DNAH2: variants seen among roughly 807,000 people sequenced by gnomAD.
The protein encoded by DNAH2 is dynein axonemal heavy chain 2, also known as axonemal beta dynein heavy chain 2.
A neutral mutation model predicts 523.5 loss-of-function variants in DNAH2; 323 were observed. The observed-to-expected ratio is 0.62, with a 90% CI of 0.56 to 0.68. The LOEUF (loss-of-function observed/expected upper bound fraction) is 0.68. Among genes scored for constraint, DNAH2 ranks in the 30% least tolerant of loss-of-function variants. The pLI is 0.00. For synonymous variants in DNAH2, 2,093 were observed against 2,177.4 expected, an observed-to-expected ratio of 0.96 and a Z score of 1.08; for missense variants, 4,907 against 5,701.5, an observed-to-expected ratio of 0.86 and a Z score of 4.49.
chr17:7,765,785 CT>C (rs1243951478), intron 21 of DNAH2, among the ~76,000 whole-genome samples: 51 of 145,862 alleles, frequency 3.5e-4, no homozygotes, highest in Admixed American at 4.1e-4. Flanking sequence ...TTTCTTTTTT[CT>C]TTTTTTTTTT....
Position 7,807,281 on chromosome 17 carries a change from G to C in DNAH2, c.9574G>C (p.Ala3192Pro), listed in dbSNP as rs762455140. 6.2e-7 allele frequency: 1 copy of C among 1,613,816 alleles called. No individual in the cohort carries two copies. ...TGATATCATCGGCCGCGTCTCCCTG[G>C]CTGCCAAGTCCCTCTGCATGTGGGT... Reference protein sequence around the residue: ...QPDIIGRVSLAAKSLCMWVRA... With the variant: ...QPDIIGRVSLPAKSLCMWVRA... Residue 3192 changes from alanine to proline, a missense_variant, in exon 62 of 86, where the codon GCT becomes CCT. By Grantham distance (27) the Ala-to-Pro change is conservative. Coordinates refer to ENST00000572933, the MANE Select transcript of DNAH2 (RefSeq NM_020877.5). The surrounding 1 kb of genome is among the most constrained non-coding windows in gnomAD (Gnocchi z 5.6).
rs1436731726 is a variant in DNAH2, at chr17:7,821,249, C to A, written c.11022C>A (p.Thr3674=). 6.2e-7 allele frequency: 1 copy of A among 1,613,022 alleles called. No homozygotes were observed. Among genetic ancestry groups the A allele is most frequent in the East Asian group, 2.2e-5 (1 of 44,850 alleles). Residue 3674 remains threonine (T), a synonymous_variant, in exon 73 of 86, where the codon ACC becomes ACA. Coordinates refer to ENST00000572933, the MANE Select transcript of DNAH2 (RefSeq NM_020877.5). This position sits in a 1 kb window ranked among gnomAD's most constrained non-coding sequence, Gnocchi z 5.0. ...CCCTGTCCCTTTCTCCCAGGTACACCTGCCGTACCCTTTTCGAACGCCACA... is the reference window on the plus strand; with the variant it reads ...CCCTGTCCCTTTCTCCCAGGTACACATGCCGTACCCTTTTCGAACGCCACA... ...DYHTYAVYRY[T]CRTLFERHKL... is the part of the protein sequence containing the mutation.
In DNAH2 at chr17:7,807,491, G is replaced by C; in HGVS notation, c.9634G>C (p.Val3212Leu). Residue 3212 changes from valine (V) to leucine (L), a missense_variant, in exon 63 of 86, where the codon GTG (valine) becomes CTG (leucine). Transcript: ENST00000572933. The surrounding 1 kb of genome is among the most constrained non-coding windows in gnomAD (Gnocchi z 5.6). ...AMELYGRLYRVVEPKRIRMNA... is the reference protein window; with the variant it reads ...AMELYGRLYRLVEPKRIRMNA... ...ACAGCTGTATGGGCGGCTATATCGGGTGGTGGAGCCCAAGCGAATCCGAAT... is the reference window on the plus strand; with the variant it reads ...ACAGCTGTATGGGCGGCTATATCGGCTGGTGGAGCCCAAGCGAATCCGAAT... 1 of 1,613,630 alleles carries C rather than the reference G, an allele frequency of 6.2e-7. No homozygotes were observed. The highest frequency in any genetic ancestry group is 8.5e-7 in the Non-Finnish European group (1 of 1,180,036).
At chr17:7,741,232 CTCTCTCTTTCTTTCTT>C (rs1440271367) in intron 11 of DNAH2, among the ~76,000 whole-genome samples, 80 of 119,432 alleles carry the variant, frequency 6.7e-4, no homozygotes, top group Middle Eastern at 8.3e-3. Context: ...TTTTTTTTCT[CTCTCTCTTTCTTTCTT>C]TCTTTCTTTC....
At chr17:7,796,145 GTCAAGTGAT>G (rs891804233) in intron 49 of DNAH2, among the ~76,000 whole-genome samples, 13 of 149,312 alleles carry the variant, frequency 8.7e-5, no homozygotes, top group Non-Finnish European at 1.5e-4. Context: ...GCCTCCTGGG[GTCAAGTGAT>G]TCTCCTGCCT....
At chr17:7,797,634 G>A (rs763753208) in intron 52 of DNAH2, 46 bp from the exon 53 acceptor site, 3 of 1,613,690 alleles carry the variant, frequency 1.9e-6, no homozygotes, top group African/African-American at 1.3e-5. Flanking sequence ...GTGGGGGGAG[G>A]CAAACCAGGC....
At position 7,786,708 on chromosome 17, in the gene DNAH2, T is replaced by A. The variant is rs1597654843; in HGVS notation, c.6466+21T>A. ...TGCAGGTATCCAGAGGATCGTGGGGTGTGGAGAGCAGACGCCTGAGTCTCC... is the reference window on the plus strand; with the variant it reads ...TGCAGGTATCCAGAGGATCGTGGGGAGTGGAGAGCAGACGCCTGAGTCTCC... On this transcript the variant is annotated intron_variant, in intron 41 of 85. Transcript: ENST00000572933. The surrounding 1 kb of genome is among the most constrained non-coding windows in gnomAD (Gnocchi z 7.5). 1 of 1,610,692 alleles carries A rather than the reference T, an allele frequency of 6.2e-7. No individual in the cohort carries two copies. The highest frequency in any genetic ancestry group is 8.5e-7 in the Non-Finnish European group (1 of 1,178,252).
In DNAH2 at chr17:7,758,928, T is replaced by C. The variant is rs1161233619; in HGVS notation, c.2252T>C (p.Ile751Thr). ...VNEFKASTLT[I>T]GWRAQEMSEK... ...GAGTTCAAGGCATCCACTCTGACCA[T>C]TGGCTGGCGAGCCCAAGAGATGTCA... is the stretch of plus-strand genomic sequence containing the variant. The change falls in exon 15 of 86, where the codon ATT becomes ACT. Residue 751 changes from isoleucine (I) to threonine (T), a missense_variant. By Grantham distance (89) the Ile-to-Thr change is moderately conservative. Coordinates refer to ENST00000572933, the MANE Select transcript of DNAH2 (RefSeq NM_020877.5). 4 of 1,614,016 alleles carry C rather than the reference T, an allele frequency of 2.5e-6. No homozygotes were observed. The South Asian group carries it at 4.4e-5, about 18-fold the overall frequency.
Position 7,759,012 on chromosome 17 carries a change from A to C in DNAH2, c.2336A>C (p.Glu779Ala). 6.2e-7 allele frequency: 1 copy of C among 1,614,196 alleles called. No homozygotes were observed. The highest frequency in any genetic ancestry group is 1.3e-5 in the African/African-American group (1 of 75,038). The change falls in exon 15 of 86, where the codon GAG becomes GCG. Residue 779 changes from glutamate (E) to alanine (A), a missense_variant. Physicochemically the swap from Glu to Ala is moderately radical, Grantham distance 107 (BLOSUM62 -1). This residue lies in a region of DNAH2 where 2,806 missense variants were observed against 3,190.8 expected (regional missense o/e 0.88). Transcript: ENST00000572933. ...GTATACAGGGACCTGGAATTTGAAG[A>C]GGACCAAAGAGAGCATCGGGCAGCT... ...KRVYRDLEFE[E>A]DQREHRAAVQ...
Position 7,796,511 on chromosome 17 carries a change from T to C in DNAH2, c.7722T>C (p.Leu2574=), listed in dbSNP as rs1208613736. The C allele has an allele frequency of 1.2e-6, 2 of 1,613,600 alleles. No homozygotes were observed. Among genetic ancestry groups the C allele is most frequent in the African/African-American group, 2.7e-5 (2 of 74,754 alleles). ...TCGGCACCATGATCAATCAGAAGCT[T>C]CAGGACTTTGAGGAAGAGGTGAAGC... ...RIFGTMINQK[L]QDFEEEVKPI... is the part of the protein sequence containing the mutation. The change falls in exon 50 of 86, where the codon CTT becomes CTC. Residue 2574 remains leucine (L), a synonymous_variant. Transcript: ENST00000572933.
intron 3 of DNAH2, 21 bp from the exon 4 acceptor site, chr17:7,727,101 C>T (rs1182181830): frequency 6.6e-7 from 1 of 1,519,880 alleles, no homozygotes; most frequent in Non-Finnish European, 8.8e-7. Flanking sequence ...GTTACTTTGG[C>T]CCTCTGCTCT....
chr17:7,751,983 G>A (rs118134349), intron 12 of DNAH2, among the ~76,000 whole-genome samples: 2,320 of 148,356 alleles, frequency 0.016, 122 homozygotes, highest in Admixed American at 0.1. Flanking sequence ...TGTCATGCAG[G>A]CTGGAGTGCA....
At chr17:7,775,445 G>T in intron 30 of DNAH2, 103 bp downstream of exon 30, 1 of 1,115,906 alleles carries the variant, frequency 9.0e-7, no homozygotes, top group Non-Finnish European at 1.3e-6. Flanking sequence ...CAGCACTTTG[G>T]GAGGCTGAGG....
At chr17:7,771,517 G>C in intron 28 of DNAH2, 49 bp downstream of exon 28, 1 of 1,608,004 alleles carries the variant, frequency 6.2e-7, no homozygotes. Context: ...CAGGCACTCT[G>C]CTTGGTCATG....
chr17:7,784,825 C>A (rs1277876333), intron 39 of DNAH2, among the ~76,000 whole-genome samples: 2 of 152,078 alleles, frequency 1.3e-5, no homozygotes, highest in Non-Finnish European at 2.9e-5. Context: ...TATAAGAGTT[C>A]TAAATCTGTA....
chr17:7,817,909 C>T (rs1454781210), intron 67 of DNAH2, 37 bp from the exon 68 acceptor site: 2 of 1,614,044 alleles, frequency 1.2e-6, no homozygotes, highest in Non-Finnish European at 8.5e-7. Flanking sequence ...CCCCACCTCT[C>T]CCGTAGTGTT....
Position 7,818,669 on chromosome 17 carries a change from T to C in DNAH2, c.10563T>C (p.Ile3521=), listed in dbSNP as rs139564557. The change falls in exon 70 of 86, where the codon ATT becomes ATC. Residue 3521 remains isoleucine (I), a synonymous_variant. Coordinates refer to ENST00000572933, the MANE Select transcript of DNAH2 (RefSeq NM_020877.5). ...EQGLEAQLLG[I]VVRKERPELE... ...GCCTGGAGGCCCAGCTGCTGGGCAT[T>C]GTGGTGCGGAAGGAGCGGCCTGAGC... The C allele has an allele frequency of 8.7e-5, 140 of 1,613,992 alleles. No homozygotes were observed. In the African/African-American group the frequency reaches 1.8e-3, roughly 20 times the overall value.
chr17:7,759,910 ACATCGT>A lies in DNAH2; in HGVS notation c.2758_2763del (p.His920_Arg921del), dbSNP rs1223288901. ...CTGACATTCTCACCAAGCGCAAGTT[ACATCGT>A]GAACCCATCCAAACAGTTGTGGGTG... On this transcript the variant is annotated inframe_deletion, in exon 17 of 86. Coordinates refer to ENST00000572933, the MANE Select transcript of DNAH2 (RefSeq NM_020877.5). The A allele has an allele frequency of 6.2e-7, 1 of 1,614,196 alleles. No homozygotes were observed. Among genetic ancestry groups the A allele is most frequent in the Middle Eastern group, 1.6e-4 (1 of 6,062 alleles).
At chr17:7,768,289 G>A (rs768439746) in intron 24 of DNAH2, 22 bp downstream of exon 24, 16 of 1,613,280 alleles carry the variant, frequency 9.9e-6, no homozygotes, top group Middle Eastern at 1.7e-4. Context: ...CCTCTGCTCC[G>A]GGGTGTCCAC....
Sources: gnomAD v4.1 joint callset for allele counts (sites outside exome capture counted in the v4.1 genomes callset) on GRCh38, gnomAD v4.1.1 for gene constraint, gnomAD v4.1.1 regional missense constraint, Gnocchi (gnomAD v3.1) non-coding constraint, MANE v1.5 for transcripts, NCBI Gene and HGNC (gene_info 2026-07-23, HGNC 2026-07-21) for gene names.